ZMAT4: variants seen among roughly 807,000 people sequenced by gnomAD.
ZMAT4 encodes zinc finger matrin-type protein 4.
A neutral mutation model predicts 28.7 loss-of-function variants in ZMAT4; 17 were observed. The ratio of observed to expected loss-of-function variants is 0.59; its 90% confidence interval spans 0.41 to 0.89. ZMAT4 has a LOEUF of 0.89. ZMAT4 is among the 40% of genes least tolerant of loss of function. ZMAT4 has a pLI of 0.00. For synonymous variants in ZMAT4, 117 were observed against 109.2 expected (o/e 1.07, Z -0.44); for missense variants, 240 against 283.8 (o/e 0.85, Z 1.11).
At chr8:40,650,028 A>C (rs374571591) in intron 5 of ZMAT4, among the ~76,000 whole-genome samples, 1 of 151,872 alleles carries the variant, frequency 6.6e-6, no homozygotes, top group Non-Finnish European at 1.5e-5. Flanking sequence ...AGAAAAGCAA[A>C]AGCAAACACG....
chr8:40,766,616 G>A (rs1420621175), intron 3 of ZMAT4, among the ~76,000 whole-genome samples: 1 of 152,172 alleles, frequency 6.6e-6, no homozygotes, highest in Admixed American at 6.5e-5. Context: ...AGACAGATCT[G>A]CAGTGTTCCA....
At chr8:40,725,215 A>T (rs985126184) in intron 3 of ZMAT4, among the ~76,000 whole-genome samples, 1 of 152,154 alleles carries the variant, frequency 6.6e-6, no homozygotes, top group South Asian at 2.1e-4. Flanking sequence ...TTAAAAGCAT[A>T]GGTTTTTCAA....
At chr8:40,730,095 C>T (rs1031124945) in intron 3 of ZMAT4, among the ~76,000 whole-genome samples, 1 of 151,988 alleles carries the variant, frequency 6.6e-6, no homozygotes, top group African/African-American at 2.4e-5. Flanking sequence ...ACAGATAATC[C>T]ATAATAATAG....
intron 5 of ZMAT4, among the ~76,000 whole-genome samples, chr8:40,622,540 G>A (rs1806238802): frequency 6.6e-6 from 1 of 152,240 alleles, no homozygotes; most frequent in Admixed American, 6.5e-5. Flanking sequence ...TTGCTAAAGA[G>A]GGGATTATCT....
At chr8:40,698,075 A>G (rs1254358834) in intron 3 of ZMAT4, among the ~76,000 whole-genome samples, 1 of 152,162 alleles carries the variant, frequency 6.6e-6, no homozygotes, top group Non-Finnish European at 1.5e-5. Context: ...ATGATGTTCA[A>G]GATTTTTAGA....
At chr8:40,863,974 A>T (rs1817590915) in intron 1 of ZMAT4, among the ~76,000 whole-genome samples, 1 of 152,210 alleles carries the variant, frequency 6.6e-6, no homozygotes, top group Non-Finnish European at 1.5e-5. Context: ...TTTTGTCCAT[A>T]TTTATCTCTG....
At chr8:40,643,482 A>G (rs1365429306) in intron 5 of ZMAT4, among the ~76,000 whole-genome samples, 1 of 152,216 alleles carries the variant, frequency 6.6e-6, no homozygotes, top group Non-Finnish European at 1.5e-5. Context: ...GTCACTAAAT[A>G]AATACTTCTT....
intron 6 of ZMAT4, among the ~76,000 whole-genome samples, chr8:40,568,042 T>A (rs899450669): frequency 6.6e-6 from 1 of 152,050 alleles, no homozygotes; most frequent in Non-Finnish European, 1.5e-5. Context: ...GTAAAGAAAT[T>A]CCACGTAGAG....
At chr8:40,616,432 C>A (rs1806008125) in intron 5 of ZMAT4, among the ~76,000 whole-genome samples, 1 of 152,178 alleles carries the variant, frequency 6.6e-6, no homozygotes, top group Non-Finnish European at 1.5e-5. Flanking sequence ...AAGATACATG[C>A]ACATGTATGT....
chr8:40,689,432 G>A (rs1261087053), intron 4 of ZMAT4, among the ~76,000 whole-genome samples: 2 of 152,306 alleles, frequency 1.3e-5, no homozygotes, highest in East Asian at 1.9e-4. Context: ...TATGTTAATC[G>A]CACTCAAATG....
At chr8:40,835,248 C>T (rs1026176655) in intron 1 of ZMAT4, among the ~76,000 whole-genome samples, 1 of 152,172 alleles carries the variant, frequency 6.6e-6, no homozygotes, top group African/African-American at 2.4e-5. Context: ...GAAAAGATCA[C>T]TAGCCTGCAA....
chr8:40,674,732 C>T lies in ZMAT4; in HGVS notation c.549G>A (p.Gly183=). 1 of 1,613,880 alleles carries T rather than the reference C, an allele frequency of 6.2e-7. No homozygotes were observed. The highest frequency in any genetic ancestry group is 1.1e-5 in the South Asian group (1 of 91,070). The change falls in exon 5 of 7, where the codon GGG becomes GGA. Residue 183 remains glycine (G), a synonymous_variant. Coordinates refer to ENST00000297737, the MANE Select transcript of ZMAT4 (RefSeq NM_024645.3). ...AARVALLEQL[G]TTLDMGELRG... is the part of the protein sequence containing the mutation. Reference sequence around the variant, plus strand: ...TCAGTTCCCCCATATCCAGGGTTGTCCCCAGTTGTTCTAACAAAGCAACTC... The same window carrying T: ...TCAGTTCCCCCATATCCAGGGTTGTTCCCAGTTGTTCTAACAAAGCAACTC...
intron 5 of ZMAT4, among the ~76,000 whole-genome samples, chr8:40,633,961 G>A (rs1806695169): frequency 6.6e-6 from 1 of 152,180 alleles, no homozygotes; most frequent in Non-Finnish European, 1.5e-5. Flanking sequence ...CCAGGCAGCT[G>A]AGTGACATCT....
chr8:40,570,755 C>A (rs866750703), intron 6 of ZMAT4, among the ~76,000 whole-genome samples: 8 of 151,992 alleles, frequency 5.3e-5, no homozygotes, highest in Non-Finnish European at 7.4e-5. Flanking sequence ...AACAAAAAAA[C>A]CTTGTGAAGT....
intron 5 of ZMAT4, among the ~76,000 whole-genome samples, chr8:40,582,266 C>T (rs561337878): frequency 2.0e-5 from 3 of 152,120 alleles, no homozygotes; most frequent in Admixed American, 6.5e-5. Flanking sequence ...TTTGGGAGGC[C>T]GAGGCAGGAG....
intron 6 of ZMAT4, 23 bp from the exon 7 acceptor site, chr8:40,532,261 G>A: frequency 6.4e-7 from 1 of 1,568,902 alleles, no homozygotes; most frequent in Non-Finnish European, 8.7e-7. Flanking sequence ...AGGAAACACA[G>A]TGTTACCTTC....
intron 5 of ZMAT4, among the ~76,000 whole-genome samples, chr8:40,667,477 C>T (rs1211501913): frequency 1.3e-5 from 2 of 152,052 alleles, no homozygotes; most frequent in Non-Finnish European, 2.9e-5. Flanking sequence ...ATTTCATAAC[C>T]ATCTCCTGTT....
intron 5 of ZMAT4, among the ~76,000 whole-genome samples, chr8:40,642,858 G>A (rs180966072): frequency 6.9e-4 from 105 of 152,272 alleles, no homozygotes; most frequent in African/African-American, 2.4e-3. Context: ...CATATTTCAT[G>A]AGACCAAAAT....
chr8:40,772,023 G>GA (rs1193958141), intron 2 of ZMAT4, among the ~76,000 whole-genome samples: 2 of 151,930 alleles, frequency 1.3e-5, no homozygotes, highest in East Asian at 1.9e-4. Context: ...GTTTCAGGGG[G>GA]AAAAAAAGAA....
Sources: allele counts gnomAD v4.1 joint callset (sites outside exome capture counted in the v4.1 genomes callset), GRCh38; gene constraint gnomAD v4.1.1; transcripts MANE v1.5; gene names NCBI Gene and HGNC (gene_info 2026-07-23, HGNC 2026-07-21).